DLGAP4: variants seen among roughly 807,000 people sequenced by gnomAD.
The protein encoded by DLGAP4 is disks large-associated protein 4.
DLGAP4 carries 18 observed loss-of-function variants against 86.9 expected under a neutral mutation model. The ratio of observed to expected loss-of-function variants is 0.21; its 90% CI spans 0.14 to 0.31. The LOEUF is 0.31. DLGAP4 is among the 10% of genes least tolerant of loss of function. The pLI, the probability that DLGAP4 is intolerant of heterozygous loss-of-function variation, is 1.00. For missense variants in DLGAP4, 1,085 were observed against 1,362.6 expected (o/e 0.80, Z 3.21); for synonymous variants, 548 against 574.3 (o/e 0.95, Z 0.65).
chr20:36,355,141 C>G (rs1555893740), intron 1 of DLGAP4, among the ~76,000 whole-genome samples: 1 of 152,200 alleles, frequency 6.6e-6, no homozygotes, highest in Non-Finnish European at 1.5e-5. Context: ...CCCACTCCCA[C>G]CCCTGGCCCC....
chr20:36,344,738 C>G (rs1427991554), intron 1 of DLGAP4, among the ~76,000 whole-genome samples: 2 of 152,220 alleles, frequency 1.3e-5, no homozygotes, highest in African/African-American at 2.4e-5. Flanking sequence ...ACCTGGGCCT[C>G]GGCTGGGCCT....
intron 1 of DLGAP4, among the ~76,000 whole-genome samples, chr20:36,322,376 G>A (rs2065177250): frequency 6.6e-6 from 1 of 152,164 alleles, no homozygotes; most frequent in African/African-American, 2.4e-5. Flanking sequence ...GTCAGGGTTT[G>A]GGGATTTACA....
chr20:36,384,085 C>T (rs1440617945), intron 2 of DLGAP4, among the ~76,000 whole-genome samples: 12 of 138,076 alleles, frequency 8.7e-5, no homozygotes, highest in Admixed American at 1.5e-4. Context: ...AAAAAAGAAG[C>T]TTTCATTGCC....
At chr20:36,319,158 A>G (rs1335100676) in intron 1 of DLGAP4, among the ~76,000 whole-genome samples, 4 of 152,062 alleles carry the variant, frequency 2.6e-5, no homozygotes, top group African/African-American at 4.8e-5. Flanking sequence ...AGAAAAAAAA[A>G]AAAAGAAAAA....
rs968924386 is a variant in DLGAP4, at chr20:36,479,368, G to T, written c.1649-17337G>T. 2.0e-5 allele frequency among the ~76,000 whole-genome samples: 3 copies of T among 152,148 alleles called. No homozygotes were observed. The South Asian group carries it at 6.2e-4, about 32-fold the overall frequency. ...TAAGTGTCAACAGGCATTCACCTGG[G>T]TACCTCTTTTGAGCCAGGATTGGAG... On this transcript the variant is annotated intron_variant, in intron 7 of 12. Coordinates refer to ENST00000339266, the MANE Select transcript of DLGAP4 (RefSeq NM_001365621.2).
intron 2 of DLGAP4, among the ~76,000 whole-genome samples, chr20:36,420,484 A>G (rs976640753): frequency 1.2e-4 from 18 of 152,182 alleles, no homozygotes; most frequent in African/African-American, 4.1e-4. Flanking sequence ...CCATGTCCCA[A>G]GGACAGAATG....
chr20:36,506,344 G>T (rs1388631453), intron 10 of DLGAP4, among the ~76,000 whole-genome samples: 2 of 152,142 alleles, frequency 1.3e-5, no homozygotes, highest in East Asian at 1.9e-4. Flanking sequence ...AAACGATATT[G>T]GTATTACCTT....
At chr20:36,429,280 G>A (rs1206756956) in intron 2 of DLGAP4, among the ~76,000 whole-genome samples, 1 of 151,414 alleles carries the variant, frequency 6.6e-6, no homozygotes, top group Non-Finnish European at 1.5e-5. Flanking sequence ...GTTTCACTAC[G>A]TTGGCCAGGC....
At chr20:36,483,829 G>T (rs1435893008) in intron 7 of DLGAP4, among the ~76,000 whole-genome samples, 2 of 152,256 alleles carry the variant, frequency 1.3e-5, no homozygotes, top group Non-Finnish European at 2.9e-5. Flanking sequence ...GCGGTCACCA[G>T]GCCCCTGTCC....
At position 36,431,556 on chromosome 20, in the gene DLGAP4, C is replaced by A. The variant is rs2033129982; in HGVS notation, c.-72-90C>A. 3 of 781,352 alleles carry A rather than the reference C, an allele frequency of 3.8e-6. No homozygotes were observed. Among genetic ancestry groups the A allele is most frequent in the Non-Finnish European group, 5.9e-6 (3 of 505,248 alleles). The allele number at this position is 781,352 out of a possible 1,614,324, so 48.4% of individuals were successfully genotyped here. The stretch of plus-strand genomic sequence containing the variant: ...ATTGAGGACTGGCTTCAGAGATCCT[C>A]CCAGCCTTGCGATCTGGATCTGACC... On this transcript the variant is annotated intron_variant, in intron 2 of 12. Coordinates refer to ENST00000339266, the MANE Select transcript of DLGAP4 (RefSeq NM_001365621.2). The surrounding 1 kb of genome is among the most constrained non-coding windows in gnomAD (Gnocchi z 5.1).
chr20:36,415,060 GT>G (rs1298055289), intron 2 of DLGAP4, among the ~76,000 whole-genome samples: 3 of 152,250 alleles, frequency 2.0e-5, no homozygotes, highest in Non-Finnish European at 4.4e-5. Context: ...GAGGCCAGGA[GT>G]TTGAGACCAG....
chr20:36,457,983 C>A (rs2033922831), intron 7 of DLGAP4, among the ~76,000 whole-genome samples: 1 of 152,076 alleles, frequency 6.6e-6, no homozygotes, highest in Admixed American at 6.6e-5. Context: ...GGGAAGCGCT[C>A]CAGGCGGGGG....
chr20:36,432,551 C>T lies in DLGAP4; in HGVS notation c.834C>T (p.Pro278=). 1.9e-6 allele frequency: 3 copies of T among 1,607,516 alleles called. No homozygotes were observed. Among genetic ancestry groups the T allele is most frequent in the Non-Finnish European group, 2.5e-6 (3 of 1,177,422 alleles). Residue 278 remains proline, a synonymous_variant, in exon 3 of 13, where the codon CCC becomes CCT. Transcript: ENST00000339266. This position sits in a 1 kb window ranked among gnomAD's most constrained non-coding sequence, Gnocchi z 6.5. The part of the protein sequence containing the change: ...PPPPAPPATC[P]SLGVGTDTNY... ...CGCCCGCACCCCCAGCCACCTGCCCCAGCCTTGGGGTGGGCACTGACACCA... is the reference window on the plus strand; with the variant it reads ...CGCCCGCACCCCCAGCCACCTGCCCTAGCCTTGGGGTGGGCACTGACACCA...
chr20:36,442,198 T>C (rs2147566557), intron 5 of DLGAP4, among the ~76,000 whole-genome samples: 1 of 152,280 alleles, frequency 6.6e-6, no homozygotes, highest in South Asian at 2.1e-4. Context: ...GACTTTTATT[T>C]ATTTATTTAT....
At chr20:36,499,136 C>T (rs2036010266) in intron 8 of DLGAP4, 8 of 1,151,500 alleles carry the variant, frequency 6.9e-6, no homozygotes, top group South Asian at 3.0e-5. Context: ...TCAAGACAGC[C>T]GCCAGCTTCA....
intron 1 of DLGAP4, among the ~76,000 whole-genome samples, chr20:36,324,820 T>C (rs1555890900): frequency 6.6e-6 from 1 of 152,260 alleles, no homozygotes; most frequent in African/African-American, 2.4e-5. Flanking sequence ...ATTTGTAATA[T>C]GTGTCTGATC....
chr20:36,462,001 G>A, intron 7 of DLGAP4: 3 of 984,914 alleles, frequency 3.0e-6, no homozygotes, highest in Non-Finnish European at 3.6e-6. Flanking sequence ...CAGATCTTTT[G>A]GGGTTCCCCT....
Position 36,431,576 on chromosome 20 carries a change from C to A in DLGAP4, c.-72-70C>A. 1 of 940,528 alleles carries A rather than the reference C, an allele frequency of 1.1e-6. No homozygotes were observed. The highest frequency in any genetic ancestry group is 1.5e-6 in the Non-Finnish European group (1 of 647,536). The allele number at this position is 940,528 out of a possible 1,614,324, so 58.3% of individuals were successfully genotyped here. On this transcript the variant is annotated intron_variant, in intron 2 of 12. Coordinates refer to ENST00000339266, the MANE Select transcript of DLGAP4 (RefSeq NM_001365621.2). The surrounding 1 kb of genome is among the most constrained non-coding windows in gnomAD (Gnocchi z 5.1). ...ATCCTCCCAGCCTTGCGATCTGGAT[C>A]TGACCTTCCCGGCACCCCTCCCCGA...
At chr20:36,423,584 A>T (rs985600657) in intron 2 of DLGAP4, among the ~76,000 whole-genome samples, 2 of 151,836 alleles carry the variant, frequency 1.3e-5, no homozygotes, top group Non-Finnish European at 2.9e-5. Context: ...AGCACAGTAT[A>T]GTGAGGTGAG....
Sources: allele counts gnomAD v4.1 joint callset (sites outside exome capture counted in the v4.1 genomes callset), GRCh38; gene constraint gnomAD v4.1.1; non-coding constraint Gnocchi (gnomAD v3.1); transcripts MANE v1.5; gene names NCBI Gene and HGNC (gene_info 2026-07-23, HGNC 2026-07-21).